SLC10A7: variants seen among roughly 807,000 people sequenced by gnomAD.
SLC10A7 encodes the protein sodium/bile acid cotransporter 7.
A neutral mutation model predicts 43.2 loss-of-function variants in SLC10A7; 29 were observed. That is an observed-to-expected ratio of 0.67 (90% CI 0.50 to 0.92). SLC10A7 has a LOEUF of 0.92. Among genes scored for constraint, SLC10A7 ranks in the 40% least tolerant of loss-of-function variants. The probability of loss-of-function intolerance (pLI) is 0.00; values close to 1 mark genes in which losing one functional copy is unlikely to be tolerated. For synonymous variants in SLC10A7, 152 were observed against 144.8 expected, an observed-to-expected ratio of 1.05 and a Z score of -0.35; for missense variants, 295 against 403.2, an observed-to-expected ratio of 0.73 and a Z score of 2.30.
intron 4 of SLC10A7, among the ~76,000 whole-genome samples, chr4:146,467,870 C>G (rs897958264): frequency 2.6e-5 from 4 of 152,106 alleles, no homozygotes; most frequent in Admixed American, 2.6e-4. Context: ...GCCTTGCCCT[C>G]TTTTATCTAT....
chr4:146,505,915 A>C (rs777925186), intron 3 of SLC10A7, among the ~76,000 whole-genome samples: 2 of 152,208 alleles, frequency 1.3e-5, no homozygotes, highest in Non-Finnish European at 2.9e-5. Context: ...TCTTACAGAA[A>C]ACTGAAGTGA....
intron 11 of SLC10A7, among the ~76,000 whole-genome samples, chr4:146,257,447 T>C (rs1377531750): frequency 6.6e-6 from 1 of 152,196 alleles, no homozygotes; most frequent in Non-Finnish European, 1.5e-5. Flanking sequence ...ATCTGGAGTG[T>C]CATCACCGTG....
chr4:146,460,341 C>T (rs548520390), intron 4 of SLC10A7, among the ~76,000 whole-genome samples: 3 of 151,946 alleles, frequency 2.0e-5, no homozygotes, highest in Non-Finnish European at 2.9e-5. Context: ...TAGGTATTTA[C>T]GCAAAAGACA....
At position 146,517,075 on chromosome 4, in the gene SLC10A7, G is replaced by A. The variant is rs764001342; in HGVS notation, c.146C>T (p.Thr49Ile). 1.9e-6 allele frequency: 3 copies of A among 1,610,516 alleles called. No homozygotes were observed. The South Asian group carries it at 3.3e-5, about 18-fold the overall frequency. ...TGATAGTCCACTGTTAAAGAATATT[G>A]TTGCAACAGCAATGTAGGATACAGT... ...EITVSYIAVA[T>I]IFFNSGLSLK... The change falls in exon 2 of 12, where the codon ACA becomes ATA. Residue 49 changes from threonine to isoleucine, a missense_variant. Around this residue, in one of 2 missense-constraint regions of SLC10A7, gnomAD observed 242 missense variants for 362.5 expected, o/e 0.67. Transcript: ENST00000335472.
At chr4:146,401,312 T>C (rs796162941) in intron 5 of SLC10A7, among the ~76,000 whole-genome samples, 6 of 152,320 alleles carry the variant, frequency 3.9e-5, no homozygotes, top group African/African-American at 1.2e-4. Context: ...TTATGGTTAC[T>C]ATCTGACTTG....
At chr4:146,392,892 G>A (rs1321854875) in intron 5 of SLC10A7, among the ~76,000 whole-genome samples, 3 of 151,990 alleles carry the variant, frequency 2.0e-5, no homozygotes, top group South Asian at 2.1e-4. Context: ...CTCATCTCAA[G>A]CAATTCTCCT....
At chr4:146,291,426 A>C (rs1646637472) in intron 9 of SLC10A7, among the ~76,000 whole-genome samples, 1 of 152,166 alleles carries the variant, frequency 6.6e-6, no homozygotes, top group Non-Finnish European at 1.5e-5. Flanking sequence ...TGCTACACCA[A>C]GTGCTGTGAG....
chr4:146,362,047 G>C (rs1452850075), intron 5 of SLC10A7, among the ~76,000 whole-genome samples: 2 of 151,406 alleles, frequency 1.3e-5, no homozygotes, highest in African/African-American at 4.9e-5. Context: ...GCCAGAAAAG[G>C]AAAAATAAAA....
chr4:146,260,867 C>G (rs901939793), intron 10 of SLC10A7, among the ~76,000 whole-genome samples: 1 of 151,922 alleles, frequency 6.6e-6, no homozygotes, highest in Non-Finnish European at 1.5e-5. Flanking sequence ...CTTCCAGGGG[C>G]AGTATGGTGT....
rs747224741 is a variant in SLC10A7, at chr4:146,326,014, G to A, written c.436-18C>T. ...ACGATGCCCTGAAAGAAATAAAAGA[G>A]AGGATGATCATTTATCAGCCTGGAA... On this transcript the variant is annotated intron_variant, in intron 5 of 11. Transcript: ENST00000335472. 1.9e-6 allele frequency: 3 copies of A among 1,608,742 alleles called. No individual in the cohort carries two copies. Among genetic ancestry groups the A allele is most frequent in the African/African-American group, 2.7e-5 (2 of 74,776 alleles).
At chr4:146,373,607 C>T (rs774542890) in intron 5 of SLC10A7, among the ~76,000 whole-genome samples, 16 of 151,918 alleles carry the variant, frequency 1.1e-4, no homozygotes, top group Non-Finnish European at 2.2e-4. Flanking sequence ...AGACATGAGA[C>T]GTGAAAGAGG....
intron 5 of SLC10A7, among the ~76,000 whole-genome samples, chr4:146,376,905 T>C (rs1737241663): frequency 6.6e-6 from 1 of 152,080 alleles, no homozygotes; most frequent in Non-Finnish European, 1.5e-5. Flanking sequence ...AACTTAGAAA[T>C]GTTTAAGAGG....
At chr4:146,449,040 A>G (rs1239029754) in intron 4 of SLC10A7, among the ~76,000 whole-genome samples, 1 of 152,198 alleles carries the variant, frequency 6.6e-6, no homozygotes, top group Non-Finnish European at 1.5e-5. Context: ...ACAAACAGCA[A>G]AGAAATTAGA....
intron 5 of SLC10A7, among the ~76,000 whole-genome samples, chr4:146,440,712 G>A (rs946224955): frequency 6.6e-6 from 1 of 152,062 alleles, no homozygotes; most frequent in South Asian, 2.1e-4. Flanking sequence ...TATAACACTG[G>A]AGCAAAACAT....
intron 5 of SLC10A7, among the ~76,000 whole-genome samples, chr4:146,413,586 T>C (rs1728351628): frequency 1.3e-5 from 2 of 152,214 alleles, no homozygotes; most frequent in Non-Finnish European, 2.9e-5. Flanking sequence ...GAATTAAAGA[T>C]TCACTAAATA....
intron 5 of SLC10A7, among the ~76,000 whole-genome samples, chr4:146,405,411 G>T (rs1262897674): frequency 6.6e-6 from 1 of 152,130 alleles, no homozygotes; most frequent in African/African-American, 2.4e-5. Flanking sequence ...GAGAAAACCA[G>T]ATTTTGAGAT....
chr4:146,429,981 T>C (rs1291610851), intron 5 of SLC10A7, among the ~76,000 whole-genome samples: 1 of 151,508 alleles, frequency 6.6e-6, no homozygotes, highest in African/African-American at 2.4e-5. Context: ...CACTGAACTA[T>C]ACAAAAAAAA....
At chr4:146,323,598 C>G (rs1732890580) in intron 6 of SLC10A7, among the ~76,000 whole-genome samples, 1 of 152,078 alleles carries the variant, frequency 6.6e-6, no homozygotes, top group African/African-American at 2.4e-5. Flanking sequence ...GTTTTGGTAC[C>G]AGTACCATGC....
chr4:146,467,798 G>A (rs1733180511), intron 4 of SLC10A7, among the ~76,000 whole-genome samples: 1 of 151,944 alleles, frequency 6.6e-6, no homozygotes, highest in South Asian at 2.1e-4. Flanking sequence ...CGTGACCTCA[G>A]GTGATTCACC....
Sources: gnomAD v4.1 joint callset for allele counts (sites outside exome capture counted in the v4.1 genomes callset) on GRCh38, gnomAD v4.1.1 for gene constraint, gnomAD v4.1.1 regional missense constraint, MANE v1.5 for transcripts, NCBI Gene and HGNC (gene_info 2026-07-23, HGNC 2026-07-21) for gene names.